Variants in RP1 observed in about 807,000 individuals in gnomAD.
RP1 encodes the protein RP1 axonemal microtubule associated.
A neutral mutation model predicts 14.8 loss-of-function variants in RP1; 16 were observed. The ratio of observed to expected loss-of-function variants is 1.08; its 90% CI spans 0.73 to 1.65. The LOEUF (loss-of-function observed/expected upper bound fraction) is 1.65. RP1 is among the 40% of genes most tolerant of loss of function. The pLI is 0.00. For synonymous variants in RP1, 876 were observed against 883.6 expected (o/e 0.99, Z 0.15); for missense variants, 2,631 against 2,535.0 (o/e 1.04, Z -0.81).
exon 13 of RP1, chr8:54,699,506 T>G: frequency 1.4e-6 from 2 of 1,404,814 alleles, no homozygotes; most frequent in African/African-American, 1.4e-5. Context: ...AATATATGCA[T>G]TTTCCAAAGT....
chr8:54,749,628 G>A (rs1424955468), intron 19 of RP1, among the ~76,000 whole-genome samples: 3 of 152,128 alleles, frequency 2.0e-5, no homozygotes, highest in East Asian at 1.9e-4. Flanking sequence ...AAGAGGAGTT[G>A]GGACAGTGCC....
downstream of RP1, among the ~76,000 whole-genome samples, chr8:54,771,186 C>T (rs975338917): frequency 1.3e-5 from 2 of 152,010 alleles, no homozygotes; most frequent in Non-Finnish European, 2.9e-5. Context: ...TCATGTGTCA[C>T]ACTCTTAGGA....
At chr8:54,831,235 G>T (rs1811516164) in intron 24 of RP1, among the ~76,000 whole-genome samples, 1 of 151,838 alleles carries the variant, frequency 6.6e-6, no homozygotes, top group Non-Finnish European at 1.5e-5. Flanking sequence ...GTGGAATGTT[G>T]GGTCATATGG....
chr8:54,788,135 C>A (rs545165012), intron 24 of RP1, among the ~76,000 whole-genome samples: 6 of 152,058 alleles, frequency 3.9e-5, no homozygotes, highest in Non-Finnish European at 7.4e-5. Context: ...TGAATGAAGG[C>A]AGGAAGGCAG....
exon 24 of RP1, chr8:54,783,640 G>T (rs1251876273): frequency 2.4e-6 from 3 of 1,231,236 alleles, no homozygotes; most frequent in Admixed American, 4.2e-5. Flanking sequence ...GAAACAAAAT[G>T]TTCAGGTCCT....
intron 1 of RP1, among the ~76,000 whole-genome samples, chr8:54,595,196 C>T (rs1235091183): frequency 6.7e-6 from 1 of 150,362 alleles, no homozygotes; most frequent in Non-Finnish European, 1.5e-5. Flanking sequence ...GTCGCGCGAT[C>T]TCAGCTCACT....
chr8:54,840,543 A>T (rs1158114680), intron 25 of RP1, among the ~76,000 whole-genome samples: 7 of 149,656 alleles, frequency 4.7e-5, no homozygotes, highest in East Asian at 3.9e-4. Context: ...CTGTTATACA[A>T]CTCTTGTATT....
intron 1 of RP1, among the ~76,000 whole-genome samples, chr8:54,559,981 A>C (rs910436927): frequency 6.6e-6 from 1 of 152,212 alleles, no homozygotes; most frequent in East Asian, 1.9e-4. Context: ...TTAATTTTTC[A>C]TATTGTTGAG....
intron 15 of RP1, among the ~76,000 whole-genome samples, chr8:54,716,490 G>A (rs1170195304): frequency 1.3e-5 from 2 of 152,110 alleles, no homozygotes. Flanking sequence ...AAGTGTGGCT[G>A]ATTTGGTTTG....
At chr8:54,836,730 G>T (rs1296366883) in intron 24 of RP1, among the ~76,000 whole-genome samples, 1 of 152,146 alleles carries the variant, frequency 6.6e-6, no homozygotes, top group African/African-American at 2.4e-5. Flanking sequence ...AGGCTCAGCT[G>T]AGCCACATGG....
downstream of RP1, among the ~76,000 whole-genome samples, chr8:54,772,848 TA>T (rs747999050): frequency 6.6e-6 from 1 of 152,226 alleles, no homozygotes; most frequent in Non-Finnish European, 1.5e-5. Context: ...CTTGTTGTGT[TA>T]TTTTTTTAAC....
chr8:54,835,769 T>C (rs895217693), intron 24 of RP1, among the ~76,000 whole-genome samples: 7 of 152,170 alleles, frequency 4.6e-5, no homozygotes, highest in African/African-American at 1.7e-4. Flanking sequence ...GTCTGTCTGA[T>C]ATCAAAACCT....
chr8:54,683,978 T>C (rs1807494093), intron 12 of RP1, among the ~76,000 whole-genome samples: 1 of 150,624 alleles, frequency 6.6e-6, no homozygotes. Context: ...GTTCCTTCAA[T>C]ACCTAGTTGC....
intron 16 of RP1, among the ~76,000 whole-genome samples, chr8:54,722,272 T>TGTG (rs200396293): frequency 2.1e-4 from 28 of 132,860 alleles, no homozygotes; most frequent in African/African-American, 3.9e-4. Flanking sequence ...TGGTTTTTTT[T>TGTG]TTTGTGTGTG....
intron 24 of RP1, among the ~76,000 whole-genome samples, chr8:54,816,815 C>A (rs1811142685): frequency 6.6e-6 from 1 of 152,160 alleles, no homozygotes; most frequent in Admixed American, 6.6e-5. Flanking sequence ...CATCCTTCAT[C>A]CATTCTGTGC....
intron 1 of RP1, among the ~76,000 whole-genome samples, chr8:54,580,835 T>A (rs559828952): frequency 6.6e-6 from 1 of 152,030 alleles, no homozygotes; most frequent in African/African-American, 2.4e-5. Context: ...GCCAGGCTGG[T>A]CTCGAACTCA....
chr8:54,632,692 G>A (rs536614848), downstream of RP1, among the ~76,000 whole-genome samples: 11 of 152,092 alleles, frequency 7.2e-5, 1 homozygote, highest in African/African-American at 2.2e-4. Flanking sequence ...TATATTTTAC[G>A]AAAGCAGTAT....
intron 7 of RP1, among the ~76,000 whole-genome samples, chr8:54,667,802 G>A (rs72650335): frequency 1.6e-4 from 25 of 152,130 alleles, no homozygotes; most frequent in Non-Finnish European, 2.8e-4. Context: ...ATGGTTTAAA[G>A]AGTGAGTTGT....
At chr8:54,802,999 T>A (rs956396533) in intron 24 of RP1, among the ~76,000 whole-genome samples, 3 of 152,174 alleles carry the variant, frequency 2.0e-5, no homozygotes, top group Non-Finnish European at 2.9e-5. Flanking sequence ...TTCTTGGGAT[T>A]CATAGCTTTT....
Sources: gnomAD v4.1 joint callset for allele counts (sites outside exome capture counted in the v4.1 genomes callset) on GRCh38, gnomAD v4.1.1 for gene constraint, MANE v1.5 for transcripts, NCBI Gene and HGNC (gene_info 2026-07-23, HGNC 2026-07-21) for gene names.